The following ZMAT4 variants were observed in gnomAD, a reference collection of about 807,000 sequenced individuals.
ZMAT4 encodes the protein zinc finger matrin-type 4.
Under a neutral mutation model 28.7 loss-of-function variants are expected in ZMAT4, and 17 were observed. The observed-to-expected ratio is 0.59, with a 90% CI of 0.41 to 0.89. The LOEUF (loss-of-function observed/expected upper bound fraction) is 0.89. ZMAT4 is among the 40% of genes least tolerant of loss of function. The pLI is 0.00. For missense variants in ZMAT4, 240 were observed against 283.8 expected, an observed-to-expected ratio of 0.85 and a Z score of 1.11; for synonymous variants, 117 against 109.2, an observed-to-expected ratio of 1.07 and a Z score of -0.44.
chr8:40,809,804 G>A (rs1462788237), intron 2 of ZMAT4, among the ~76,000 whole-genome samples: 3 of 152,158 alleles, frequency 2.0e-5, no homozygotes, highest in Admixed American at 1.3e-4. Context: ...AGCACCTTGA[G>A]AGGCTGAGGT....
intron 5 of ZMAT4, among the ~76,000 whole-genome samples, chr8:40,616,179 A>C (rs1315324594): frequency 6.6e-6 from 1 of 152,236 alleles, no homozygotes; most frequent in Non-Finnish European, 1.5e-5. Flanking sequence ...AATCAAAACC[A>C]CAATGAGATA....
rs144786461 is a variant in ZMAT4 at position 40,871,758 on chromosome 8, A to T, written c.-5+25925T>A. On this transcript the variant is annotated intron_variant, in intron 1 of 6. Coordinates refer to ENST00000297737, the MANE Select transcript of ZMAT4 (RefSeq NM_024645.3). ...TGACAGCATGCACAATTTCCCTTTC[A>T]GCACTTCCTCTGCAGGGAAGTCTGT... 5.0e-3 allele frequency among the ~76,000 whole-genome samples: 766 copies of T among 152,294 alleles called. 4 individuals carry two copies. Among genetic ancestry groups the T allele is most frequent in the South Asian group, 0.016 (78 of 4,826 alleles).
At chr8:40,656,808 A>G (rs935991575) in intron 5 of ZMAT4, among the ~76,000 whole-genome samples, 1 of 152,174 alleles carries the variant, frequency 6.6e-6, no homozygotes, top group Non-Finnish European at 1.5e-5. Flanking sequence ...TTTTACATTT[A>G]CATTTATATA....
At chr8:40,844,656 TCTGTG>T (rs1396616668) in intron 1 of ZMAT4, among the ~76,000 whole-genome samples, 1 of 104,048 alleles carries the variant, frequency 9.6e-6, no homozygotes, top group African/African-American at 3.1e-5. Flanking sequence ...TCTCTCTCAT[TCTGTG>T]TGTGTGTGTG....
At chr8:40,765,433 A>C (rs1813114269) in intron 3 of ZMAT4, among the ~76,000 whole-genome samples, 1 of 152,266 alleles carries the variant, frequency 6.6e-6, no homozygotes, top group Non-Finnish European at 1.5e-5. Flanking sequence ...TCACTCTCAA[A>C]AAGTAAGACG....
intron 4 of ZMAT4, among the ~76,000 whole-genome samples, chr8:40,695,606 G>C (rs994577996): frequency 1.3e-5 from 2 of 152,118 alleles, no homozygotes; most frequent in Non-Finnish European, 2.9e-5. Flanking sequence ...GCTGTACTTC[G>C]CTTTTTCCTT....
chr8:40,846,168 C>A (rs1415142150), intron 1 of ZMAT4, among the ~76,000 whole-genome samples: 3 of 152,118 alleles, frequency 2.0e-5, no homozygotes, highest in African/African-American at 4.8e-5. Flanking sequence ...AAACGCACCA[C>A]CCCCCTCCCT....
chr8:40,840,969 C>T (rs562473920), intron 1 of ZMAT4, among the ~76,000 whole-genome samples: 1 of 152,194 alleles, frequency 6.6e-6, no homozygotes, highest in Non-Finnish European at 1.5e-5. Flanking sequence ...TTACAAGCCA[C>T]CTGGCACCCG....
chr8:40,711,168 G>A (rs1196412522), intron 3 of ZMAT4, among the ~76,000 whole-genome samples: 1 of 152,082 alleles, frequency 6.6e-6, no homozygotes, highest in East Asian at 1.9e-4. Flanking sequence ...GAATGATAGG[G>A]AACCAGTTCT....
intron 3 of ZMAT4, among the ~76,000 whole-genome samples, chr8:40,727,827 C>T (rs1176054541): frequency 5.9e-5 from 9 of 152,084 alleles, no homozygotes. Flanking sequence ...ATAAAAATCC[C>T]TTCAAGGTCT....
intron 6 of ZMAT4, among the ~76,000 whole-genome samples, chr8:40,535,701 A>G (rs796976215): frequency 7.9e-5 from 12 of 152,146 alleles, no homozygotes; most frequent in East Asian, 1.9e-4. Flanking sequence ...TATGTACACA[A>G]TCTTCCTGAG....
intron 5 of ZMAT4, among the ~76,000 whole-genome samples, chr8:40,602,911 T>C (rs1805448345): frequency 6.6e-6 from 1 of 152,248 alleles, no homozygotes; most frequent in Admixed American, 6.5e-5. Flanking sequence ...GTTTTTAGTT[T>C]AATTAAGTCC....
At position 40,531,109 on chromosome 8, in the gene ZMAT4, G is replaced by C. The variant is rs887880303; in HGVS notation, c.*1114C>G. 1.3e-5 allele frequency: 2 copies of C among 152,558 alleles called. No homozygotes were observed. The highest frequency in any genetic ancestry group is 2.9e-5 in the Non-Finnish European group (2 of 68,148). 9.5% of individuals were successfully genotyped at this position (152,558 alleles called of 1,614,324 possible). A position where few individuals can be genotyped will look rare whatever the true frequency, so the allele number is the denominator to read the frequency against. ...GCTCAACGTCCCACTTCGTAACCAG[G>C]CTACAAGACACCAAGTCCGGTCACC... On this transcript the variant is annotated 3_prime_UTR_variant, in exon 7 of 7. Coordinates refer to ENST00000297737, the MANE Select transcript of ZMAT4 (RefSeq NM_024645.3).
At chr8:40,827,810 C>T (rs1320676937) in intron 1 of ZMAT4, among the ~76,000 whole-genome samples, 2 of 152,220 alleles carry the variant, frequency 1.3e-5, no homozygotes, top group Non-Finnish European at 2.9e-5. Flanking sequence ...ACAAGGCAAC[C>T]TGTTCCAGAG....
intron 2 of ZMAT4, among the ~76,000 whole-genome samples, chr8:40,804,373 T>A (rs986751774): frequency 6.6e-6 from 1 of 152,154 alleles, no homozygotes; most frequent in South Asian, 2.1e-4. Flanking sequence ...TTTCAGTCAA[T>A]GTTGCTGTGA....
intron 2 of ZMAT4, chr8:40,786,641 A>C (rs2150575656): frequency 8.2e-7 from 1 of 1,218,590 alleles, no homozygotes; most frequent in Non-Finnish European, 1.1e-6. Context: ...TTCTGTGAAC[A>C]TCCATTCATT....
chr8:40,629,008 T>TA (rs751884873), intron 5 of ZMAT4, among the ~76,000 whole-genome samples: 17 of 9,574 alleles, frequency 1.8e-3, no homozygotes, highest in Middle Eastern at 0.071. Context: ...CTTTCTTTTC[T>TA]TTTTTTTTTT....
intron 6 of ZMAT4, among the ~76,000 whole-genome samples, chr8:40,571,527 A>G (rs1356363315): frequency 6.6e-6 from 1 of 152,148 alleles, no homozygotes; most frequent in Non-Finnish European, 1.5e-5. Flanking sequence ...GCTAGGTAGA[A>G]AGCAGCCTTT....
intron 1 of ZMAT4, among the ~76,000 whole-genome samples, chr8:40,895,701 G>A (rs958941268): frequency 6.6e-6 from 1 of 151,172 alleles, no homozygotes; most frequent in African/African-American, 2.4e-5. Flanking sequence ...TACTTTTAAT[G>A]TTTCCTATCA....
Sources: allele counts gnomAD v4.1 joint callset (sites outside exome capture counted in the v4.1 genomes callset), GRCh38; gene constraint gnomAD v4.1.1; transcripts MANE v1.5; gene names NCBI Gene and HGNC (gene_info 2026-07-23, HGNC 2026-07-21).